Variants in PC observed in about 807,000 individuals in gnomAD.
PC encodes pyruvate carboxylase, mitochondrial.
Under a neutral mutation model 107.8 loss-of-function variants are expected in PC, and 46 were observed. The observed-to-expected ratio is 0.43, with a 90% CI of 0.34 to 0.55. PC has a LOEUF of 0.55. PC is among the 20% of genes least tolerant of loss of function. The pLI is 0.04. For synonymous variants in PC, 662 were observed against 684.7 expected, an observed-to-expected ratio of 0.97 and a Z score of 0.52; for missense variants, 1,241 against 1,643.1, an observed-to-expected ratio of 0.76 and a Z score of 4.23.
intron 3 of PC, among the ~76,000 whole-genome samples, chr11:66,926,871 T>C (rs1031859922): frequency 2.6e-5 from 4 of 152,220 alleles, no homozygotes; most frequent in Admixed American, 2.0e-4. Flanking sequence ...ATCCATGTCG[T>C]AGCATGTGTC....
rs1186866407 is a variant in PC, at chr11:66,944,157, T to G, written c.-1+8273A>C. Among the ~76,000 whole-genome samples the G allele has an allele frequency of 1.8e-5, 2 of 113,870 alleles. 1 individual carries two copies. 74.7% of individuals were successfully genotyped at this position (113,870 alleles called of 152,430 possible). The stretch of plus-strand genomic sequence containing the variant: ...TTAGCCGGGTGTGATGGTGGGCGCC[T>G]GTAGTCCCAGCTACTTGGGAGGCTG... On this transcript the variant is annotated intron_variant, in intron 3 of 22. Coordinates refer to ENST00000393960, the MANE Select transcript of PC (RefSeq NM_001040716.2).
chr11:66,885,038 G>A (rs182418849), intron 3 of PC, among the ~76,000 whole-genome samples: 9 of 152,186 alleles, frequency 5.9e-5, no homozygotes, highest in African/African-American at 2.2e-4. Flanking sequence ...GGACATGAAT[G>A]CTGGCTGGAT....
In PC at chr11:66,850,201, A is replaced by G; in HGVS notation, c.2718+19T>C. 6.2e-7 allele frequency: 1 copy of G among 1,613,788 alleles called. No individual in the cohort carries two copies. Among genetic ancestry groups the G allele is most frequent in the South Asian group, 1.1e-5 (1 of 91,086 alleles). On this transcript the variant is annotated intron_variant, in intron 19 of 22. Transcript: ENST00000393960. ...GCATGCAGGGCTGGGTCAGGTAAGGAGCACCGGGCCGGGCTCACCTTGATG... is the reference window on the plus strand; with the variant it reads ...GCATGCAGGGCTGGGTCAGGTAAGGGGCACCGGGCCGGGCTCACCTTGATG...
intron 1 of PC, among the ~76,000 whole-genome samples, chr11:66,955,276 C>A (rs939132273): frequency 1.8e-4 from 27 of 152,150 alleles, no homozygotes; most frequent in Non-Finnish European, 3.7e-4. Flanking sequence ...TGAGGTCCTG[C>A]CCTGCCACTG....
intron 3 of PC, among the ~76,000 whole-genome samples, chr11:66,931,150 G>A (rs1774184839): frequency 6.6e-6 from 1 of 151,622 alleles, no homozygotes; most frequent in African/African-American, 2.4e-5. Flanking sequence ...AGGCTGAGGT[G>A]GGCGGATCAC....
chr11:66,874,036 T>C (rs977265804), intron 3 of PC, among the ~76,000 whole-genome samples: 1 of 152,056 alleles, frequency 6.6e-6, no homozygotes, highest in African/African-American at 2.4e-5. Context: ...CTCGGCTCAC[T>C]GCAACCTCCG....
At chr11:66,877,813 A>G (rs1947038440) in intron 3 of PC, among the ~76,000 whole-genome samples, 2 of 152,236 alleles carry the variant, frequency 1.3e-5, no homozygotes, top group African/African-American at 4.8e-5. Context: ...AAGAAAATTT[A>G]ATGGTAAACA....
chr11:66,935,545 G>A (rs1269290762), intron 3 of PC, among the ~76,000 whole-genome samples: 1 of 152,188 alleles, frequency 6.6e-6, no homozygotes, highest in Non-Finnish European at 1.5e-5. Context: ...CAGAAGGAAA[G>A]GGGAGGGTCT....
chr11:66,870,486 A>T lies in PC; in HGVS notation c.752-33T>A. On this transcript the variant is annotated intron_variant, in intron 8 of 22. Transcript: ENST00000393960. The surrounding 1 kb of genome is among the most constrained non-coding windows in gnomAD (Gnocchi z 6.1). Reference sequence around the variant, plus strand: ...GGGAGGTAAACTGGGCTTAGCTTTTACTGGAATCTACACGCCTCCTAAATG... The same window carrying T: ...GGGAGGTAAACTGGGCTTAGCTTTTTCTGGAATCTACACGCCTCCTAAATG... 1 of 1,608,690 alleles carries T rather than the reference A, an allele frequency of 6.2e-7. No homozygotes were observed. Among genetic ancestry groups the T allele is most frequent in the African/African-American group, 1.3e-5 (1 of 74,948 alleles).
chr11:66,850,713 C>T lies in PC; in HGVS notation c.2434G>A (p.Ala812Thr), dbSNP rs772469222. ...GTCCCTCTGGTACAGGCCACCAGGG[C>T]CCCCATGCTGGGCTGTGAAGTCATC... ...SGMTSQPSMGALVACTRGTPL... is the reference protein window; with the variant it reads ...SGMTSQPSMGTLVACTRGTPL... Residue 812 changes from alanine (A) to threonine (T), a missense_variant, in exon 18 of 23, where the codon GCC (alanine) becomes ACC (threonine). By Grantham distance (58) the Ala-to-Thr change is moderately conservative. Coordinates refer to ENST00000393960, the MANE Select transcript of PC (RefSeq NM_001040716.2). 5.0e-6 allele frequency: 8 copies of T among 1,611,200 alleles called. No individual in the cohort carries two copies. The highest frequency in any genetic ancestry group is 6.8e-6 in the Non-Finnish European group (8 of 1,179,868).
chr11:66,853,484 G>A (rs1416178053), intron 12 of PC, 101 bp from the exon 13 acceptor site: 7 of 1,396,756 alleles, frequency 5.0e-6, no homozygotes, highest in African/African-American at 2.8e-5. Flanking sequence ...TGCTGCCCTG[G>A]GCCAGCACAG....
rs1056561916 is a variant in PC, at chr11:66,858,652, G to A, written c.1368+5122C>T. 6.5e-6 allele frequency: 10 copies of A among 1,541,254 alleles called. No individual in the cohort carries two copies. Among genetic ancestry groups the A allele is most frequent in the African/African-American group, 2.7e-5 (2 of 73,034 alleles). On this transcript the variant is annotated intron_variant, in intron 12 of 22. Transcript: ENST00000393960. This position sits in a 1 kb window ranked among gnomAD's most constrained non-coding sequence, Gnocchi z 5.9. ...GGCCAGCGGGCCACGCTGCGGTGCC[G>A]GGCCCTGGGTGACCCCGCGCCTACC...
At chr11:66,907,128 C>A (rs1948190199) in intron 3 of PC, among the ~76,000 whole-genome samples, 1 of 152,232 alleles carries the variant, frequency 6.6e-6, no homozygotes, top group Admixed American at 6.5e-5. Flanking sequence ...GCCATTTACA[C>A]AAGGAACCAT....
chr11:66,905,100 G>C (rs1948115319), intron 3 of PC, among the ~76,000 whole-genome samples: 2 of 152,250 alleles, frequency 1.3e-5, no homozygotes, highest in South Asian at 4.1e-4. Context: ...ACACACACTT[G>C]AGGGATGGAG....
In PC at chr11:66,938,026, T is replaced by C. The variant is rs189651227; in HGVS notation, c.-1+14404A>G. Among the ~76,000 whole-genome samples, 482 of 152,264 alleles carry C rather than the reference T, an allele frequency of 3.2e-3. 1 individual carries two copies. The highest frequency in any genetic ancestry group is 0.017 in the Middle Eastern group (5 of 294). On this transcript the variant is annotated intron_variant, in intron 3 of 22. Coordinates refer to ENST00000393960, the MANE Select transcript of PC (RefSeq NM_001040716.2). ...CTCTCGACCTCGTGATCCACCTGCC[T>C]TGGCCTCCCTCTATTTGGTGAGACA...
rs1356643034 is a variant in PC, at chr11:66,857,979, C to T, written c.1369-4596G>A. ...CATGACGGGACTGGTGGACCTGACA[C>T]TGTCTCGCAATGCCATCACCCGCAT... On this transcript the variant is annotated intron_variant, in intron 12 of 22. Coordinates refer to ENST00000393960, the MANE Select transcript of PC (RefSeq NM_001040716.2). This position sits in a 1 kb window ranked among gnomAD's most constrained non-coding sequence, Gnocchi z 7.1. 6.2e-7 allele frequency: 1 copy of T among 1,612,562 alleles called. No homozygotes were observed. Among genetic ancestry groups the T allele is most frequent in the Middle Eastern group, 1.6e-4 (1 of 6,062 alleles).
intron 3 of PC, among the ~76,000 whole-genome samples, chr11:66,874,318 C>T (rs1023310808): frequency 6.6e-6 from 1 of 152,186 alleles, no homozygotes; most frequent in African/African-American, 2.4e-5. Context: ...GAACTCCTGA[C>T]CTCAAGTGGT....
chr11:66,857,550 C>A lies in PC; in HGVS notation c.1369-4167G>T. ...CCCTTAACTGCTTGGGAAATGTGAC[C>A]TTTGCTCTGGGGGGCCTGGCCCTGC... On this transcript the variant is annotated intron_variant, in intron 12 of 22. Transcript: ENST00000393960. The surrounding 1 kb of genome is among the most constrained non-coding windows in gnomAD (Gnocchi z 7.1). The A allele has an allele frequency of 1.7e-6, 1 of 597,914 alleles. No homozygotes were observed. The highest frequency in any genetic ancestry group is 2.9e-6 in the Non-Finnish European group (1 of 343,856). 37.0% of individuals were successfully genotyped at this position (597,914 alleles called of 1,614,324 possible).
chr11:66,914,329 T>C (rs190071795), intron 3 of PC, among the ~76,000 whole-genome samples: 2 of 152,000 alleles, frequency 1.3e-5, no homozygotes, highest in African/African-American at 2.4e-5. Flanking sequence ...CTGGCCAATA[T>C]GGTGAAACCC....
Sources: allele counts gnomAD v4.1 joint callset (sites outside exome capture counted in the v4.1 genomes callset), GRCh38; gene constraint gnomAD v4.1.1; non-coding constraint Gnocchi (gnomAD v3.1); transcripts MANE v1.5; gene names NCBI Gene and HGNC (gene_info 2026-07-23, HGNC 2026-07-21).